HECW2: variants seen among roughly 807,000 people sequenced by gnomAD.
The protein encoded by HECW2 is HECT, C2 and WW domain containing E3 ubiquitin protein ligase 2, also known as E3 ubiquitin-protein ligase HECW2.
A neutral mutation model predicts 175.2 loss-of-function variants in HECW2; 61 were observed. That is an observed-to-expected ratio of 0.35 (90% confidence interval 0.28 to 0.43). The LOEUF (loss-of-function observed/expected upper bound fraction) is 0.43, where lower values mean the gene tolerates loss of function less well. HECW2 is among the 20% of genes least tolerant of loss of function. The probability of loss-of-function intolerance (pLI) is 1.00; values close to 1 mark genes in which losing one functional copy is unlikely to be tolerated. For synonymous variants in HECW2, 671 were observed against 731.0 expected, an observed-to-expected ratio of 0.92 and a Z score of 1.32; for missense variants, 1,524 against 2,000.5, an observed-to-expected ratio of 0.76 and a Z score of 4.54.
intron 2 of HECW2, among the ~76,000 whole-genome samples, chr2:196,379,338 G>A (rs904395236): frequency 5.3e-5 from 8 of 152,150 alleles, no homozygotes; most frequent in African/African-American, 1.9e-4. Flanking sequence ...GATCTGGGTG[G>A]CAGTTATACA....
rs891345512 is a variant in HECW2, at chr2:196,238,089, C to T, written c.3764+2360G>A. On this transcript the variant is annotated intron_variant, in intron 21 of 28. Transcript: ENST00000644978. Reference sequence around the variant, plus strand: ...CTCCATACAAAACAAATTAGCTGGGCGTGGTGGCATGTGCCTGTAGTTCCA... The same window carrying T: ...CTCCATACAAAACAAATTAGCTGGGTGTGGTGGCATGTGCCTGTAGTTCCA... Among the ~76,000 whole-genome samples the T allele has an allele frequency of 4.6e-5, 7 of 152,172 alleles. No individual in the cohort carries two copies. The East Asian group carries it at 9.6e-4, about 21-fold the overall frequency.
Position 196,503,837 on chromosome 2 carries a change from A to T in HECW2, c.-35-70379T>A, listed in dbSNP as rs75487552. Among the ~76,000 whole-genome samples, 658 of 152,326 alleles carry T rather than the reference A, an allele frequency of 4.3e-3. 5 individuals are homozygous for T. Among genetic ancestry groups the T allele is most frequent in the African/African-American group, 0.015 (622 of 41,566 alleles). Reference sequence around the variant, plus strand: ...CAGCATTTTAAAAGTTGTTTATTAAATTACACACAACCCCCATATTTTTAA... The same window carrying T: ...CAGCATTTTAAAAGTTGTTTATTAATTTACACACAACCCCCATATTTTTAA... On this transcript the variant is annotated intron_variant, in intron 1 of 28. Coordinates refer to ENST00000644978, the MANE Select transcript of HECW2 (RefSeq NM_001348768.2).
At chr2:196,398,713 T>C (rs1407550324) in intron 2 of HECW2, among the ~76,000 whole-genome samples, 1 of 152,230 alleles carries the variant, frequency 6.6e-6, no homozygotes, top group African/African-American at 2.4e-5. Context: ...ATGAATCTTC[T>C]GATACCTTGT....
At chr2:196,491,279 A>C (rs1222117579) in intron 1 of HECW2, among the ~76,000 whole-genome samples, 2 of 151,734 alleles carry the variant, frequency 1.3e-5, no homozygotes, top group Non-Finnish European at 2.9e-5. Flanking sequence ...TGGATGAATC[A>C]GATGGATCAC....
At chr2:196,325,293 G>T in intron 5 of HECW2, 144 bp from the exon 6 acceptor site, 24 of 401,276 alleles carry the variant, frequency 6.0e-5, no homozygotes, top group Non-Finnish European at 6.9e-5. Context: ...AAGATAATTT[G>T]TTCTTAAATA....
At chr2:196,412,356 A>G (rs1695137445) in intron 2 of HECW2, among the ~76,000 whole-genome samples, 1 of 152,110 alleles carries the variant, frequency 6.6e-6, no homozygotes, top group Admixed American at 6.5e-5. Context: ...ATTAAGGCCC[A>G]CCCTAATGAC....
intron 2 of HECW2, among the ~76,000 whole-genome samples, chr2:196,374,046 A>AAAAAAAT (rs1553509128): frequency 1.0e-4 from 15 of 148,654 alleles, no homozygotes; most frequent in South Asian, 2.1e-4. Flanking sequence ...AAAATAAAAT[A>AAAAAAAT]AAATAAATAA....
At chr2:196,565,008 A>G (rs903460288) in intron 1 of HECW2, among the ~76,000 whole-genome samples, 2 of 149,300 alleles carry the variant, frequency 1.3e-5, no homozygotes, top group Non-Finnish European at 3.0e-5. Flanking sequence ...AGAGATAGTT[A>G]AACGGAGCCT....
chr2:196,242,229 C>T, intron 19 of HECW2, 25 bp from the exon 20 acceptor site: 1 of 1,613,738 alleles, frequency 6.2e-7, no homozygotes, highest in Non-Finnish European at 8.5e-7. Flanking sequence ...AAAGAGAGGA[C>T]AATCTGGATT....
chr2:196,505,448 G>A (rs1473950602), intron 1 of HECW2, among the ~76,000 whole-genome samples: 1 of 152,084 alleles, frequency 6.6e-6, no homozygotes, highest in African/African-American at 2.4e-5. Flanking sequence ...GCTGAAGCAG[G>A]AGAATCGCTT....
At chr2:196,411,461 A>G (rs1329500420) in intron 2 of HECW2, among the ~76,000 whole-genome samples, 1 of 152,238 alleles carries the variant, frequency 6.6e-6, no homozygotes, top group Non-Finnish European at 1.5e-5. Flanking sequence ...AAAAAAAGCA[A>G]TCCTGTTTCA....
chr2:196,365,577 A>G (rs1693721400), intron 2 of HECW2, among the ~76,000 whole-genome samples: 1 of 152,186 alleles, frequency 6.6e-6, no homozygotes, highest in Admixed American at 6.5e-5. Context: ...AAATGTTTCA[A>G]TGGGAATACA....
intron 14 of HECW2, among the ~76,000 whole-genome samples, chr2:196,284,355 G>A (rs1248868312): frequency 6.6e-6 from 1 of 152,176 alleles, no homozygotes; most frequent in Non-Finnish European, 1.5e-5. Flanking sequence ...TGTGTATATT[G>A]TTTACACATG....
chr2:196,543,828 G>A (rs1382183167), intron 1 of HECW2, among the ~76,000 whole-genome samples: 2 of 152,168 alleles, frequency 1.3e-5, no homozygotes, highest in Admixed American at 6.5e-5. Context: ...CAGGCAGGCT[G>A]GTCTCGAATT....
At chr2:196,360,425 C>A (rs1410366542) in intron 2 of HECW2, among the ~76,000 whole-genome samples, 1 of 152,170 alleles carries the variant, frequency 6.6e-6, no homozygotes, top group Non-Finnish European at 1.5e-5. Flanking sequence ...GGCCATTATT[C>A]TTAGCAAACT....
chr2:196,255,616 T>G (rs1689026523), intron 18 of HECW2, among the ~76,000 whole-genome samples: 1 of 152,226 alleles, frequency 6.6e-6, no homozygotes, highest in Non-Finnish European at 1.5e-5. Flanking sequence ...ATCTCTACAT[T>G]GCAGCTTACT....
At chr2:196,240,055 T>C (rs913520818) in intron 21 of HECW2, 2 of 153,488 alleles carry the variant, frequency 1.3e-5, no homozygotes, top group African/African-American at 4.8e-5. Context: ...ACTTATTTAA[T>C]AGAGGAAGCA....
chr2:196,217,212 C>T lies in HECW2; in HGVS notation c.4409-119G>A, dbSNP rs931707022. 3 of 675,908 alleles carry T rather than the reference C, an allele frequency of 4.4e-6. No individual in the cohort carries two copies. In the Admixed American group the frequency reaches 9.1e-5, roughly 20 times the overall value. The allele number at this position is 675,908 out of a possible 1,614,324, so 41.9% of individuals were successfully genotyped here. On this transcript the variant is annotated intron_variant, in intron 26 of 28. Transcript: ENST00000644978. ...TCCTCTTGAATTCTTTACAAGTTGTCTATAATTTTAAGACTAAGGAATAAC... is the reference window on the plus strand; with the variant it reads ...TCCTCTTGAATTCTTTACAAGTTGTTTATAATTTTAAGACTAAGGAATAAC...
intron 20 of HECW2, among the ~76,000 whole-genome samples, chr2:196,241,222 A>G (rs1489955188): frequency 6.6e-6 from 1 of 152,254 alleles, no homozygotes; most frequent in African/African-American, 2.4e-5. Context: ...GAGAGATGAT[A>G]GGGAGGCTGA....
Sources: allele counts gnomAD v4.1 joint callset (sites outside exome capture counted in the v4.1 genomes callset), GRCh38; gene constraint gnomAD v4.1.1; transcripts MANE v1.5; gene names NCBI Gene and HGNC (gene_info 2026-07-23, HGNC 2026-07-21).